Variants in TRIM47 observed in about 807,000 individuals in gnomAD.
TRIM47 encodes E3 ubiquitin-protein ligase TRIM47.
In TRIM47, 46 loss-of-function variants were observed where a neutral mutation model predicts 54.4. That is an observed-to-expected ratio of 0.84 (90% CI 0.67 to 1.08). The LOEUF (loss-of-function observed/expected upper bound fraction) is 1.08. TRIM47 is among the 50% of genes least tolerant of loss of function. The probability of loss-of-function intolerance (pLI) is 0.00; values close to 1 mark genes in which losing one functional copy is unlikely to be tolerated. For synonymous variants in TRIM47, 392 were observed against 410.2 expected (o/e 0.96, Z 0.54); for missense variants, 825 against 910.1 (o/e 0.91, Z 1.20).
In TRIM47 at chr17:75,877,972, A is replaced by G. The variant is rs1332764396; in HGVS notation, c.577T>C (p.Cys193Arg). The change falls in exon 1 of 6, where the codon TGC (cysteine) becomes CGC (arginine). Residue 193 changes from cysteine to arginine, a missense_variant. Cys to Arg is a radical substitution (Grantham distance 180, BLOSUM62 -3). Transcript: ENST00000254816. ...CACAGACACACGCGCTCCGCGCGGC[A>G]GTAGCGCTCGAGCGGCCGTAGGTGG... Reference protein sequence around the residue: ...PRHLRPLERYCRAERVCLCEA... With the variant: ...PRHLRPLERYRRAERVCLCEA... The G allele has an allele frequency of 3.4e-6, 5 of 1,460,762 alleles. No homozygotes were observed. Among genetic ancestry groups the G allele is most frequent in the Admixed American group, 4.8e-5 (2 of 41,522 alleles). 90.5% of individuals were successfully genotyped at this position (1,460,762 alleles called of 1,614,324 possible). A position where few individuals can be genotyped will look rare whatever the true frequency, so the allele number is the denominator to read the frequency against.
chr17:75,874,683 G>C lies in TRIM47; in HGVS notation c.1717C>G (p.Arg573Gly). The C allele has an allele frequency of 6.2e-7, 1 of 1,607,394 alleles. No individual in the cohort carries two copies. ...AVRDGKMSLL[R>G]RLKASRPRRG... is the part of the protein sequence containing the mutation. Reference sequence around the variant, plus strand: ...CGGGGCCGGGAGGCCTTCAGCCTCCGCAGGAGGCTCATCTTGCCGTCCCGT... The same window carrying C: ...CGGGGCCGGGAGGCCTTCAGCCTCCCCAGGAGGCTCATCTTGCCGTCCCGT... The change falls in exon 6 of 6, where the codon CGG (arginine) becomes GGG (glycine). Residue 573 changes from arginine (R) to glycine (G), a missense_variant. Arg to Gly is a moderately radical substitution (Grantham distance 125, BLOSUM62 -2). Coordinates refer to ENST00000254816, the MANE Select transcript of TRIM47 (RefSeq NM_033452.3). This position sits in a 1 kb window ranked among gnomAD's most constrained non-coding sequence, Gnocchi z 6.2.
At position 75,875,255 on chromosome 17, in the gene TRIM47, G is replaced by C; in HGVS notation, c.1277-132C>G. 1 of 1,289,934 alleles carries C rather than the reference G, an allele frequency of 7.8e-7. No individual in the cohort carries two copies. The highest frequency in any genetic ancestry group is 1.0e-6 in the Non-Finnish European group (1 of 968,142). 79.9% of individuals were successfully genotyped at this position (1,289,934 alleles called of 1,614,324 possible). A position where few individuals can be genotyped will look rare whatever the true frequency, so the allele number is the denominator to read the frequency against. On this transcript the variant is annotated intron_variant, in intron 5 of 5. Coordinates refer to ENST00000254816, the MANE Select transcript of TRIM47 (RefSeq NM_033452.3). This position sits in a 1 kb window ranked among gnomAD's most constrained non-coding sequence, Gnocchi z 6.1. Reference sequence around the variant, plus strand: ...CCAACCGGCACAACCCAGCCCCGCCGGGGACCACCCCAGGAGCTGCCCTAG... The same window carrying C: ...CCAACCGGCACAACCCAGCCCCGCCCGGGACCACCCCAGGAGCTGCCCTAG...
chr17:75,876,777 G>A lies in TRIM47; in HGVS notation c.712C>T (p.Arg238Cys), dbSNP rs758238896. 4.3e-6 allele frequency: 7 copies of A among 1,614,058 alleles called. No individual in the cohort carries two copies. The highest frequency in any genetic ancestry group is 1.6e-4 in the Middle Eastern group (1 of 6,084). The change falls in exon 2 of 6, where the codon CGC (arginine) becomes TGC (cysteine). Residue 238 changes from arginine to cysteine, a missense_variant. Arg to Cys is a radical substitution (Grantham distance 180, BLOSUM62 -3). Transcript: ENST00000254816. ...ATGCCAGCACCCAGCTCGTCCATGCGGTCCTCCACGGCGCTCAGGACTTTG... is the reference window on the plus strand; with the variant it reads ...ATGCCAGCACCCAGCTCGTCCATGCAGTCCTCCACGGCGCTCAGGACTTTG... ...QSKVLSAVED[R>C]MDELGAGIAQ...
Position 75,876,102 on chromosome 17 carries a change from G to A in TRIM47, c.1003-3C>T, listed in dbSNP as rs1599436484. On this transcript the variant is annotated splice_polypyrimidine_tract_variant and splice_region_variant and intron_variant, in intron 3 of 5. Transcript: ENST00000254816. ...GCCAGCCTTAGTGCCAGCAGCTCCT[G>A]TGCCAGACAAATGCCCATTAAAGTG... is the stretch of plus-strand genomic sequence containing the variant. 1.3e-6 allele frequency: 2 copies of A among 1,599,914 alleles called. No homozygotes were observed. The highest frequency in any genetic ancestry group is 1.1e-5 in the South Asian group (1 of 91,054).
In TRIM47 at chr17:75,874,660, G is replaced by A. The variant is rs1462149147; in HGVS notation, c.1740C>T (p.Pro580=). The change falls in exon 6 of 6, where the codon CCC becomes CCT. Residue 580 remains proline, a synonymous_variant. Coordinates refer to ENST00000254816, the MANE Select transcript of TRIM47 (RefSeq NM_033452.3). This position sits in a 1 kb window ranked among gnomAD's most constrained non-coding sequence, Gnocchi z 6.2. ...GGGAGGCCGGGATGCCACCCCGGCG[G>A]GGCCGGGAGGCCTTCAGCCTCCGCA... The part of the protein sequence containing the change: ...SLLRRLKASR[P]RRGGIPASPI... 1 of 1,595,472 alleles carries A rather than the reference G, an allele frequency of 6.3e-7. No individual in the cohort carries two copies.
rs779202987 is a variant in TRIM47, at chr17:75,875,873, C to G, written c.1201+28G>C. The G allele has an allele frequency of 6.2e-7, 1 of 1,603,146 alleles. No homozygotes were observed. Among genetic ancestry groups the G allele is most frequent in the Admixed American group, 1.7e-5 (1 of 58,720 alleles). ...TGCGAGAGGCTGGCAGAGGGTGAGT[C>G]ATCGGGGGGGCGTGGGGCGGTGCCC... is the stretch of plus-strand genomic sequence containing the variant. On this transcript the variant is annotated intron_variant, in intron 4 of 5. Coordinates refer to ENST00000254816, the MANE Select transcript of TRIM47 (RefSeq NM_033452.3). This position sits in a 1 kb window ranked among gnomAD's most constrained non-coding sequence, Gnocchi z 6.1.
chr17:75,874,840 G>A lies in TRIM47; in HGVS notation c.1560C>T (p.Cys520=). ...AGCTGCGTCCATTCCACTGCAGGCA[G>A]CAGGAGTGGGCGTTGCGGCCCAGCC... ...RGRLGRNAHS[C]CLQWNGRSFS... The change falls in exon 6 of 6, where the codon TGC becomes TGT. Residue 520 remains cysteine, a synonymous_variant. Transcript: ENST00000254816. The surrounding 1 kb of genome is among the most constrained non-coding windows in gnomAD (Gnocchi z 6.2). The A allele has an allele frequency of 1.2e-6, 2 of 1,614,144 alleles. No individual in the cohort carries two copies. Among genetic ancestry groups the A allele is most frequent in the Non-Finnish European group, 1.7e-6 (2 of 1,180,024 alleles).
chr17:75,874,394 C>T lies in TRIM47; in HGVS notation c.*89G>A. 7.8e-7 allele frequency: 1 copy of T among 1,274,416 alleles called. No homozygotes were observed. The highest frequency in any genetic ancestry group is 1.8e-5 in the South Asian group (1 of 55,856). 78.9% of individuals were successfully genotyped at this position (1,274,416 alleles called of 1,614,324 possible). On this transcript the variant is annotated 3_prime_UTR_variant, in exon 6 of 6. Coordinates refer to ENST00000254816, the MANE Select transcript of TRIM47 (RefSeq NM_033452.3). This position sits in a 1 kb window ranked among gnomAD's most constrained non-coding sequence, Gnocchi z 6.2. ...ATGAGAAGGCTGGGTGTGTGGGACT[C>T]ATGCTGGTGCCTTCCCAGACGAAGG...
In TRIM47 at chr17:75,878,166, C is replaced by G. The variant is rs2065147299; in HGVS notation, c.383G>C (p.Arg128Pro). The stretch of plus-strand genomic sequence containing the variant: ...CGCGCCCTCGGGGCACGCGTCGCAG[C>G]GCACTGGCTCTTCGCCCGCGGGCCA... ...EPWPAGEEPV[R>P]CDACPEGAAL... Residue 128 changes from arginine to proline, a missense_variant, in exon 1 of 6, where the codon CGC (arginine) becomes CCC (proline). Physicochemically the swap from Arg to Pro is moderately radical, Grantham distance 103. Transcript: ENST00000254816. 2.4e-6 allele frequency: 3 copies of G among 1,233,854 alleles called. No homozygotes were observed. The highest frequency in any genetic ancestry group is 3.0e-6 in the Non-Finnish European group (3 of 989,286). The allele number at this position is 1,233,854 out of a possible 1,614,324, so 76.4% of individuals were successfully genotyped here.
Position 75,878,001 on chromosome 17 carries a change from G to C in TRIM47, c.548C>G (p.Pro183Arg). 1 of 1,465,616 alleles carries C rather than the reference G, an allele frequency of 6.8e-7. No homozygotes were observed. The highest frequency in any genetic ancestry group is 9.0e-7 in the Non-Finnish European group (1 of 1,112,902). The allele number at this position is 1,465,616 out of a possible 1,614,324, so 90.8% of individuals were successfully genotyped here. A position where few individuals can be genotyped will look rare whatever the true frequency, so the allele number is the denominator to read the frequency against. Residue 183 changes from proline (P) to arginine (R), a missense_variant, in exon 1 of 6, where the codon CCG (proline) becomes CGG (arginine). Coordinates refer to ENST00000254816, the MANE Select transcript of TRIM47 (RefSeq NM_033452.3). ...GCGCTCGAGCGGCCGTAGGTGGCGC[G>C]GGCACAGGCTCTCCTCTAGCCGGCG... ...PLRRLEESLC[P>R]RHLRPLERYC...
Position 75,875,609 on chromosome 17 carries a change from G to C in TRIM47, c.1202-135C>G. The C allele has an allele frequency of 2.4e-6, 2 of 821,788 alleles. No homozygotes were observed. The highest frequency in any genetic ancestry group is 5.2e-5 in the East Asian group (2 of 38,098). 50.9% of individuals were successfully genotyped at this position (821,788 alleles called of 1,614,324 possible). A position where few individuals can be genotyped will look rare whatever the true frequency, so the allele number is the denominator to read the frequency against. ...AGCAAGCACCACCCAGATGTGGCAC[G>C]CTGTGCTCACACACATGCCCGTTGC... On this transcript the variant is annotated intron_variant, in intron 4 of 5. Coordinates refer to ENST00000254816, the MANE Select transcript of TRIM47 (RefSeq NM_033452.3). This position sits in a 1 kb window ranked among gnomAD's most constrained non-coding sequence, Gnocchi z 6.1.
Position 75,876,828 on chromosome 17 carries a change from CT to C in TRIM47, c.676-16del, listed in dbSNP as rs2065138561. 1 of 1,613,040 alleles carries C rather than the reference CT, an allele frequency of 6.2e-7. No homozygotes were observed. Among genetic ancestry groups the C allele is most frequent in the Non-Finnish European group, 8.5e-7 (1 of 1,179,512 alleles). On this transcript the variant is annotated splice_polypyrimidine_tract_variant and intron_variant, in intron 1 of 5. Coordinates refer to ENST00000254816, the MANE Select transcript of TRIM47 (RefSeq NM_033452.3). ...GACTGCTCAGCCTGTGGACAACACC[CT>C]CCATGAGTGTGAGGTCTGGCAGAGG... is the stretch of plus-strand genomic sequence containing the variant.
chr17:75,874,895 A>G lies in TRIM47; in HGVS notation c.1505T>C (p.Phe502Ser). The change falls in exon 6 of 6, where the codon TTC becomes TCC. Residue 502 changes from phenylalanine to serine, a missense_variant. By Grantham distance (155) the Phe-to-Ser change is radical. Coordinates refer to ENST00000254816, the MANE Select transcript of TRIM47 (RefSeq NM_033452.3). The surrounding 1 kb of genome is among the most constrained non-coding windows in gnomAD (Gnocchi z 6.2). ...GCGGTCGTAGGGCTCTTGTGGGGAG[A>G]AGTCTTCGGCCATGACCCCCATGCT... ...WVSMGVMAED[F>S]SPQEPYDRGR... is the part of the protein sequence containing the mutation. The G allele has an allele frequency of 6.2e-7, 1 of 1,614,016 alleles. No homozygotes were observed. Among genetic ancestry groups the G allele is most frequent in the Non-Finnish European group, 8.5e-7 (1 of 1,179,976 alleles).
Position 75,875,780 on chromosome 17 carries a change from G to C in TRIM47, c.1201+121C>G. ...CAGCTCTAGTCACTGGCAGGATTTG[G>C]GCTCCTCCCTGTGCCAGGCACAATT... is the stretch of plus-strand genomic sequence containing the variant. On this transcript the variant is annotated intron_variant, in intron 4 of 5. Coordinates refer to ENST00000254816, the MANE Select transcript of TRIM47 (RefSeq NM_033452.3). This position sits in a 1 kb window ranked among gnomAD's most constrained non-coding sequence, Gnocchi z 6.1. The C allele has an allele frequency of 8.3e-7, 1 of 1,198,688 alleles. No individual in the cohort carries two copies. Among genetic ancestry groups the C allele is most frequent in the Non-Finnish European group, 1.2e-6 (1 of 862,126 alleles). 74.3% of individuals were successfully genotyped at this position (1,198,688 alleles called of 1,614,324 possible).
In TRIM47 at chr17:75,875,131, C is replaced by T. The variant is rs1455631742; in HGVS notation, c.1277-8G>A. 6.3e-7 allele frequency: 1 copy of T among 1,579,912 alleles called. No homozygotes were observed. The highest frequency in any genetic ancestry group is 1.2e-5 in the South Asian group (1 of 85,780). ...AATCCACAATATAGGCAACTGATCCCGTGGACAGAAGAGAGAGGCAGGGCT... is the reference window on the plus strand; with the variant it reads ...AATCCACAATATAGGCAACTGATCCTGTGGACAGAAGAGAGAGGCAGGGCT... On this transcript the variant is annotated splice_region_variant and splice_polypyrimidine_tract_variant and intron_variant, in intron 5 of 5. Coordinates refer to ENST00000254816, the MANE Select transcript of TRIM47 (RefSeq NM_033452.3). The surrounding 1 kb of genome is among the most constrained non-coding windows in gnomAD (Gnocchi z 6.1).
chr17:75,878,484 A>G lies in TRIM47; in HGVS notation c.65T>C (p.Leu22Pro). The stretch of plus-strand genomic sequence containing the variant: ...GAGACAGAAGTTGTGGCCGCAGGGC[A>G]GCGTCACCGGCTCCCGGAGTGGCTC... ...CLEPLREPVT[L>P]PCGHNFCLAC... The change falls in exon 1 of 6, where the codon CTG becomes CCG. Residue 22 changes from leucine to proline, a missense_variant. Physicochemically the swap from Leu to Pro is moderately conservative, Grantham distance 98 (BLOSUM62 -3). Transcript: ENST00000254816. 1 of 1,391,064 alleles carries G rather than the reference A, an allele frequency of 7.2e-7. No homozygotes were observed. The highest frequency in any genetic ancestry group is 3.0e-5 in the East Asian group (1 of 32,976). The allele number at this position is 1,391,064 out of a possible 1,614,324, so 86.2% of individuals were successfully genotyped here.
In TRIM47 at chr17:75,875,519, C is replaced by G. The variant is rs776696315; in HGVS notation, c.1202-45G>C. ...GGTGAGAACGCCCCCAGACTGCCCC[C>G]CTCTGAACCTGTGACTACAATCCCT... On this transcript the variant is annotated intron_variant, in intron 4 of 5. Coordinates refer to ENST00000254816, the MANE Select transcript of TRIM47 (RefSeq NM_033452.3). This position sits in a 1 kb window ranked among gnomAD's most constrained non-coding sequence, Gnocchi z 6.1. 18 of 1,552,192 alleles carry G rather than the reference C, an allele frequency of 1.2e-5. No homozygotes were observed. The Admixed American group carries it at 2.0e-4, about 17-fold the overall frequency.
chr17:75,874,713 C>G lies in TRIM47; in HGVS notation c.1687G>C (p.Ala563Pro). The G allele has an allele frequency of 6.2e-7, 1 of 1,613,958 alleles. No homozygotes were observed. Among genetic ancestry groups the G allele is most frequent in the Non-Finnish European group, 8.5e-7 (1 of 1,179,996 alleles). ...AGGCTCATCTTGCCGTCCCGTACAG[C>G]ATAGAAGGCCAAGGCACGGTCAGCG... ...EYADRALAFY[A>P]VRDGKMSLLR... Residue 563 changes from alanine (A) to proline (P), a missense_variant, in exon 6 of 6, where the codon GCT becomes CCT. Ala to Pro is a conservative substitution (Grantham distance 27, BLOSUM62 -1). Coordinates refer to ENST00000254816, the MANE Select transcript of TRIM47 (RefSeq NM_033452.3). This position sits in a 1 kb window ranked among gnomAD's most constrained non-coding sequence, Gnocchi z 6.2.
chr17:75,877,740 A>C (rs1173663947), intron 1 of TRIM47, 134 bp downstream of exon 1: 1 of 1,243,332 alleles, frequency 8.0e-7, no homozygotes, highest in Non-Finnish European at 1.0e-6. Flanking sequence ...GCTGGAAGGG[A>C]CCGCAAAGAT....
Sources: gnomAD v4.1 joint callset for allele counts on GRCh38, gnomAD v4.1.1 for gene constraint, Gnocchi (gnomAD v3.1) non-coding constraint, MANE v1.5 for transcripts, NCBI Gene and HGNC (gene_info 2026-07-23, HGNC 2026-07-21) for gene names.